TNN: variants seen among roughly 807,000 people sequenced by gnomAD.
The protein encoded by TNN is tenascin-N.
Under a neutral mutation model 134.4 loss-of-function variants are expected in TNN, and 122 were observed. That is an observed-to-expected ratio of 0.91 (90% CI 0.78 to 1.06). The LOEUF (loss-of-function observed/expected upper bound fraction) is 1.06, where lower values mean the gene tolerates loss of function less well. Among genes scored for constraint, TNN ranks in the 50% least tolerant of loss-of-function variants. The pLI, the probability that TNN is intolerant of heterozygous loss-of-function variation, is 0.00. For synonymous variants in TNN, 710 were observed against 670.3 expected, an observed-to-expected ratio of 1.06 and a Z score of -0.91; for missense variants, 1,739 against 1,699.4, an observed-to-expected ratio of 1.02 and a Z score of -0.41.
intron 1 of TNN, among the ~76,000 whole-genome samples, chr1:175,068,864 A>G (rs1165161100): frequency 1.3e-5 from 2 of 152,182 alleles, no homozygotes; most frequent in Non-Finnish European, 2.9e-5. Flanking sequence ...GCCGAGATTG[A>G]ACCATTGCAC....
chr1:175,097,616 C>T lies in TNN; in HGVS notation c.1788C>T (p.Tyr596=). The stretch of plus-strand genomic sequence containing the variant: ...CAGGCCTGAGGCCAGGTGTGGAGTA[C>T]ACAGTGCATGTCTGGGCCCAGAAGG... ...VLTGLRPGVE[Y]TVHVWAQKGD... The change falls in exon 8 of 19, where the codon TAC becomes TAT. Residue 596 remains tyrosine (Y), a synonymous_variant. Transcript: ENST00000239462. 6.2e-7 allele frequency: 1 copy of T among 1,614,180 alleles called. No individual in the cohort carries two copies. Among genetic ancestry groups the T allele is most frequent in the Non-Finnish European group, 8.5e-7 (1 of 1,180,046 alleles).
intron 18 of TNN, among the ~76,000 whole-genome samples, chr1:175,145,552 C>CAAAAAAAAAAAAAA (rs3028580): frequency 0.12 from 3,382 of 28,868 alleles, 1,066 homozygotes; most frequent in Non-Finnish European, 0.14. Context: ...GACCCTGTCT[C>CAAAAAAAAAAAAAA]AAAAAAAAAA....
chr1:175,091,252 A>G (rs2149430787), intron 6 of TNN, among the ~76,000 whole-genome samples: 1 of 152,352 alleles, frequency 6.6e-6, no homozygotes, highest in South Asian at 2.1e-4. Context: ...CTGTGGTTAG[A>G]GAACTGAGAG....
intron 1 of TNN, among the ~76,000 whole-genome samples, chr1:175,076,316 C>A (rs754601390): frequency 6.6e-6 from 1 of 152,174 alleles, no homozygotes. Context: ...CACCCATGCA[C>A]GGATGGATTT....
At chr1:175,116,791 G>A (rs190732884) in intron 9 of TNN, 148 bp from the exon 10 acceptor site, 2 of 1,088,026 alleles carry the variant, frequency 1.8e-6, no homozygotes, top group Non-Finnish European at 1.4e-6. Context: ...GTGGGGATAA[G>A]GTCTATATCC....
Position 175,126,953 on chromosome 1 carries a change from A to G in TNN, c.2915-2A>G, listed in dbSNP as rs770978560. 16 of 1,607,326 alleles carry G rather than the reference A, an allele frequency of 1.0e-5. No individual in the cohort carries two copies. The highest frequency in any genetic ancestry group is 1.4e-5 in the Non-Finnish European group (16 of 1,178,174). On this transcript the variant is annotated splice_acceptor_variant, in intron 12 of 18. Transcript: ENST00000239462. LOFTEE classifies it high-confidence loss of function. ...AACAATTACCTGACTTTCTACGTAC[A>G]GAACTCGACCCTCCCAGAAACCTTC...
At chr1:175,118,857 T>C (rs1239132190) in intron 11 of TNN, 33 bp downstream of exon 11, 1 of 1,518,294 alleles carries the variant, frequency 6.6e-7, no homozygotes, top group African/African-American at 1.4e-5. Flanking sequence ...CAAACCCGGG[T>C]AGTAGCTGCA....
rs1197974680 is a variant in TNN at position 175,079,633 on chromosome 1, G to T, written c.710G>T (p.Cys237Phe). The stretch of plus-strand genomic sequence containing the variant: ...AGCGAGAAGCGCTGTCCCGGCGACT[G>T]CAGCGGCCACGGCTTCTGTGACACG... The part of the protein sequence containing the change: ...DCSEKRCPGD[C>F]SGHGFCDTGE... Residue 237 changes from cysteine to phenylalanine, a missense_variant, in exon 3 of 19, where the codon TGC (cysteine) becomes TTC (phenylalanine). Transcript: ENST00000239462. 1.2e-6 allele frequency: 2 copies of T among 1,606,976 alleles called. No individual in the cohort carries two copies. The highest frequency in any genetic ancestry group is 1.7e-6 in the Non-Finnish European group (2 of 1,177,816).
chr1:175,120,439 A>C (rs914193025), intron 11 of TNN, among the ~76,000 whole-genome samples: 1 of 152,192 alleles, frequency 6.6e-6, no homozygotes, highest in Non-Finnish European at 1.5e-5. Flanking sequence ...GCAGGAATGG[A>C]GTGTATTCCT....
intron 17 of TNN, 129 bp from the exon 18 acceptor site, chr1:175,144,258 A>T: frequency 2.4e-6 from 2 of 821,694 alleles, no homozygotes; most frequent in Non-Finnish European, 3.9e-6. Flanking sequence ...GAGAGCGGTG[A>T]CTACCTGTGA....
chr1:175,109,070 G>GTTTTTTTTTTT (rs1338891175), intron 9 of TNN, among the ~76,000 whole-genome samples: 4 of 88,338 alleles, frequency 4.5e-5, no homozygotes, highest in African/African-American at 2.4e-4. Flanking sequence ...CTATCTAACT[G>GTTTTTTTTTTT]TATTTTTTTT....
At chr1:175,078,484 T>A (rs1329749648) in intron 2 of TNN, among the ~76,000 whole-genome samples, 2 of 152,154 alleles carry the variant, frequency 1.3e-5, no homozygotes, top group South Asian at 2.1e-4. Context: ...CCCAGGCTGA[T>A]CCAATGATAA....
At chr1:175,142,221 G>C (rs973743526) in intron 17 of TNN, among the ~76,000 whole-genome samples, 2 of 152,218 alleles carry the variant, frequency 1.3e-5, no homozygotes, top group Non-Finnish European at 2.9e-5. Flanking sequence ...TGTTTGCGTG[G>C]AAGTGGCCTC....
intron 9 of TNN, among the ~76,000 whole-genome samples, chr1:175,110,172 A>G (rs1272904990): frequency 2.6e-5 from 4 of 152,158 alleles, no homozygotes; most frequent in African/African-American, 9.7e-5. Flanking sequence ...AGAAATGTCT[A>G]TTTAGATCAT....
chr1:175,130,465 C>A (rs1385171318), intron 15 of TNN, among the ~76,000 whole-genome samples: 1 of 152,220 alleles, frequency 6.6e-6, no homozygotes, highest in Admixed American at 6.5e-5. Flanking sequence ...GCTGTACCTG[C>A]TGCTTTTCAT....
chr1:175,105,407 G>C (rs1216388639), intron 9 of TNN, among the ~76,000 whole-genome samples: 1 of 145,440 alleles, frequency 6.9e-6, no homozygotes, highest in Admixed American at 6.9e-5. Flanking sequence ...TTCCTTCTGG[G>C]CAGGGGAGAT....
Position 175,083,935 on chromosome 1 carries a change from G to T in TNN, c.1234G>T (p.Gly412Cys), listed in dbSNP as rs1574143350. ...SDPKSRYDITGLHPGTEYKIT... is the reference protein window; with the variant it reads ...SDPKSRYDITCLHPGTEYKIT... ...CCCCAAGAGCCGATATGACATCACT[G>T]GTAAGAGCCATCACTGGAATGTGAG... The change falls in exon 5 of 19, where the codon GGT becomes TGT. Residue 412 changes from glycine to cysteine, a missense_variant and splice_region_variant. By Grantham distance (159) the Gly-to-Cys change is radical (BLOSUM62 -3). Transcript: ENST00000239462. The T allele has an allele frequency of 6.2e-7, 1 of 1,613,554 alleles. No individual in the cohort carries two copies. The highest frequency in any genetic ancestry group is 1.1e-5 in the South Asian group (1 of 91,006).
intron 1 of TNN, among the ~76,000 whole-genome samples, chr1:175,076,609 G>GAAAAA (rs1674044607): frequency 6.6e-6 from 1 of 152,196 alleles, no homozygotes. Context: ...AAATTCTTAT[G>GAAAAA]TTTTACTGGT....
At chr1:175,099,142 A>G (rs1159555670) in intron 9 of TNN, among the ~76,000 whole-genome samples, 1 of 152,168 alleles carries the variant, frequency 6.6e-6, no homozygotes, top group African/African-American at 2.4e-5. Flanking sequence ...CCCTACATGA[A>G]ATCTTCTCCT....
Sources: allele counts gnomAD v4.1 joint callset (sites outside exome capture counted in the v4.1 genomes callset), GRCh38; gene constraint gnomAD v4.1.1; transcripts MANE v1.5; gene names NCBI Gene and HGNC (gene_info 2026-07-23, HGNC 2026-07-21).